DOCK3: variants seen among roughly 807,000 people sequenced by gnomAD.
DOCK3 encodes the protein dedicator of cytokinesis protein 3.
A neutral mutation model predicts 265.6 loss-of-function variants in DOCK3; 60 were observed. The ratio of observed to expected loss-of-function variants is 0.23; its 90% CI spans 0.18 to 0.28. The LOEUF (loss-of-function observed/expected upper bound fraction) is 0.28. Ranked by LOEUF, DOCK3 falls within the 10% of genes least tolerant of loss-of-function variation. DOCK3 has a pLI of 1.00. For synonymous variants in DOCK3, 881 were observed against 938.0 expected (o/e 0.94, Z 1.11); for missense variants, 1,981 against 2,594.3 (o/e 0.76, Z 5.14).
At chr3:50,782,553 G>A (rs2041975013) in intron 2 of DOCK3, among the ~76,000 whole-genome samples, 1 of 149,220 alleles carries the variant, frequency 6.7e-6, no homozygotes, top group African/African-American at 2.5e-5. Flanking sequence ...GCCTCCCAAA[G>A]TGCTGGGACC....
chr3:50,974,205 G>A (rs1470032587), intron 5 of DOCK3, among the ~76,000 whole-genome samples: 1 of 151,976 alleles, frequency 6.6e-6, no homozygotes, highest in East Asian at 1.9e-4. Context: ...TAGACATGAA[G>A]TCCTTGCCCA....
intron 12 of DOCK3, among the ~76,000 whole-genome samples, chr3:51,196,606 C>G (rs2088313578): frequency 6.6e-6 from 1 of 152,096 alleles, no homozygotes; most frequent in Non-Finnish European, 1.5e-5. Flanking sequence ...TTTTGTCTGA[C>G]AGGATTATTT....
intron 12 of DOCK3, among the ~76,000 whole-genome samples, chr3:51,203,654 G>GA (rs1576401365): frequency 2.0e-5 from 3 of 152,034 alleles, no homozygotes; most frequent in Admixed American, 2.0e-4. Context: ...CACAGAATTG[G>GA]AAAAAACTAC....
intron 23 of DOCK3, among the ~76,000 whole-genome samples, chr3:51,263,302 T>C (rs2079962391): frequency 6.6e-6 from 1 of 152,166 alleles, no homozygotes; most frequent in South Asian, 2.1e-4. Context: ...AACCCAGAAT[T>C]TCATATCCAG....
chr3:51,169,763 T>C (rs927893854), intron 12 of DOCK3, among the ~76,000 whole-genome samples: 2 of 151,786 alleles, frequency 1.3e-5, no homozygotes, highest in Non-Finnish European at 2.9e-5. Flanking sequence ...AAAAAAGAAA[T>C]GGTCATATTA....
Position 51,275,211 on chromosome 3 carries a change from T to C in DOCK3, c.2676+5T>C. The stretch of plus-strand genomic sequence containing the variant: ...ATCGTCAAGACCAGCTCTCTGGTAG[T>C]GGCCCCACACCCACTCCACCCTGTT... On this transcript the variant is annotated splice_donor_5th_base_variant and intron_variant, in intron 25 of 52. Coordinates refer to ENST00000266037, the MANE Select transcript of DOCK3 (RefSeq NM_004947.5). 6.2e-7 allele frequency: 1 copy of C among 1,613,880 alleles called. No homozygotes were observed. The highest frequency in any genetic ancestry group is 1.1e-5 in the South Asian group (1 of 91,078).
rs1183628498 is a variant in DOCK3 at position 51,248,906 on chromosome 3, G to T, written c.2184+2099G>T. On this transcript the variant is annotated intron_variant, in intron 22 of 52. Transcript: ENST00000266037. ...CGCCACCCCGTCTGGGAGGTGAGGA[G>T]CGTCTCTGCCCGGCCGCCCCATCTG... 3.3e-5 allele frequency among the ~76,000 whole-genome samples: 5 copies of T among 150,566 alleles called. No homozygotes were observed. The South Asian group carries it at 6.3e-4, about 19-fold the overall frequency.
Position 51,299,289 on chromosome 3 carries a change from T to C in DOCK3, c.2923-10943T>C, listed in dbSNP as rs151017303. ...GTTTTTTTTTTCTTGTAAGTTTGTT[T>C]AAGTTATTTGTAGATTCTGGATATT... On this transcript the variant is annotated intron_variant, in intron 27 of 52. Transcript: ENST00000266037. Among the ~76,000 whole-genome samples the C allele has an allele frequency of 4.1e-3, 627 of 152,272 alleles. 1 individual carries two copies. The highest frequency in any genetic ancestry group is 6.6e-3 in the Non-Finnish European group (451 of 68,030).
intron 32 of DOCK3, among the ~76,000 whole-genome samples, chr3:51,320,880 G>C (rs1035831836): frequency 6.6e-6 from 1 of 152,236 alleles, no homozygotes; most frequent in African/African-American, 2.4e-5. Flanking sequence ...CCTGGGGGAA[G>C]GGGCAGCTGT....
At chr3:51,302,696 A>T (rs2082423039) in intron 27 of DOCK3, among the ~76,000 whole-genome samples, 1 of 152,186 alleles carries the variant, frequency 6.6e-6, no homozygotes, top group South Asian at 2.1e-4. Flanking sequence ...TTGGCCAGAT[A>T]TGAAACTCTG....
intron 3 of DOCK3, among the ~76,000 whole-genome samples, chr3:50,875,814 T>C (rs151213964): frequency 1.1e-3 from 165 of 151,896 alleles, no homozygotes; most frequent in Middle Eastern, 3.4e-3. Context: ...GCTTGCCTCA[T>C]AGAATGAAGT....
chr3:51,086,562 C>G (rs1332902711), intron 7 of DOCK3, among the ~76,000 whole-genome samples: 1 of 152,194 alleles, frequency 6.6e-6, no homozygotes, highest in Non-Finnish European at 1.5e-5. Flanking sequence ...CTTTGGGAGG[C>G]CAAGGCAGGT....
intron 2 of DOCK3, among the ~76,000 whole-genome samples, chr3:50,808,918 A>G (rs556128912): frequency 1.3e-5 from 2 of 152,350 alleles, no homozygotes; most frequent in South Asian, 4.1e-4. Context: ...AAAGCAATGA[A>G]TATTGATTCC....
chr3:51,300,649 A>G (rs998413552), intron 27 of DOCK3, among the ~76,000 whole-genome samples: 1 of 152,220 alleles, frequency 6.6e-6, no homozygotes, highest in Non-Finnish European at 1.5e-5. Context: ...TTCTACATCT[A>G]TTGAGATAAT....
Position 50,698,517 on chromosome 3 carries a change from G to GT in DOCK3, c.37+23242dup. On this transcript the variant is annotated intron_variant, in intron 1 of 52. Coordinates refer to ENST00000266037, the MANE Select transcript of DOCK3 (RefSeq NM_004947.5). ...GTTTCTCTGTGGATGTATGTTTTTG[G>GT]TTTTTTTTTTTTTTTTTTTTTTTTT... is the stretch of plus-strand genomic sequence containing the variant. Among the ~76,000 whole-genome samples the GT allele has an allele frequency of 5.7e-3, 111 of 19,514 alleles. 6 individuals carry two copies. Among genetic ancestry groups the GT allele is most frequent in the African/African-American group, 0.013 (89 of 6,708 alleles). The allele number at this position is 19,514 out of a possible 152,430, so 12.8% of individuals were successfully genotyped here. A position where few individuals can be genotyped will look rare whatever the true frequency, so the allele number is the denominator to read the frequency against.
chr3:50,904,977 TA>T (rs2049403870), intron 4 of DOCK3, among the ~76,000 whole-genome samples: 1 of 152,148 alleles, frequency 6.6e-6, no homozygotes, highest in Non-Finnish European at 1.5e-5. Context: ...GCTTTCTACA[TA>T]TGGCTAGCCA....
At chr3:50,987,714 G>A (rs1229375230) in intron 5 of DOCK3, among the ~76,000 whole-genome samples, 2 of 152,200 alleles carry the variant, frequency 1.3e-5, no homozygotes, top group Admixed American at 1.3e-4. Flanking sequence ...AGGCAGGATG[G>A]TGGCCCGCCA....
intron 3 of DOCK3, among the ~76,000 whole-genome samples, chr3:50,853,946 C>G (rs2046456679): frequency 6.7e-6 from 1 of 149,348 alleles, no homozygotes; most frequent in Admixed American, 6.7e-5. Context: ...TGTAAGTGTT[C>G]CCTTTTCTCT....
chr3:50,812,738 G>T (rs957059613), intron 2 of DOCK3, among the ~76,000 whole-genome samples: 11 of 152,178 alleles, frequency 7.2e-5, no homozygotes, highest in Non-Finnish European at 1.2e-4. Flanking sequence ...ACTGATTCCA[G>T]TGTTAATCTC....
Sources: allele counts gnomAD v4.1 joint callset (sites outside exome capture counted in the v4.1 genomes callset), GRCh38; gene constraint gnomAD v4.1.1; transcripts MANE v1.5; gene names NCBI Gene and HGNC (gene_info 2026-07-23, HGNC 2026-07-21).